EGF: variants seen among roughly 807,000 people sequenced by gnomAD.
The protein encoded by EGF is epidermal growth factor, also known as pro-epidermal growth factor.
EGF carries 95 observed loss-of-function variants against 143.8 expected under a neutral mutation model. The observed-to-expected ratio is 0.66, with a 90% CI of 0.56 to 0.78. EGF has a LOEUF of 0.78. Among genes scored for constraint, EGF ranks in the 30% least tolerant of loss-of-function variants. The pLI, the probability that EGF is intolerant of heterozygous loss-of-function variation, is 0.00. For synonymous variants in EGF, 510 were observed against 510.5 expected (o/e 1.00, Z 0.01); for missense variants, 1,320 against 1,470.9 (o/e 0.90, Z 1.68).
intron 1 of EGF, among the ~76,000 whole-genome samples, chr4:109,927,479 C>CT (rs1335139948): frequency 6.6e-6 from 1 of 152,054 alleles, no homozygotes; most frequent in African/African-American, 2.4e-5. Context: ...AATCCTAGCA[C>CT]TTTGAGAGGC....
At chr4:109,976,640 T>C (rs1480754889) in intron 13 of EGF, among the ~76,000 whole-genome samples, 1 of 152,210 alleles carries the variant, frequency 6.6e-6, no homozygotes, top group Non-Finnish European at 1.5e-5. Flanking sequence ...CCTCCCCTAT[T>C]ATTTTCAGAT....
intron 15 of EGF, among the ~76,000 whole-genome samples, chr4:109,982,727 G>C (rs1361386796): frequency 2.6e-5 from 4 of 151,994 alleles, no homozygotes; most frequent in African/African-American, 9.7e-5. Flanking sequence ...TCCATACTAA[G>C]ACACCAGCTG....
intron 5 of EGF, among the ~76,000 whole-genome samples, chr4:109,954,695 T>C (rs1394211968): frequency 6.6e-6 from 1 of 152,188 alleles, no homozygotes; most frequent in Admixed American, 6.5e-5. Flanking sequence ...AACTAACATA[T>C]ATTTTATGTG....
At chr4:109,914,005 GCT>G (rs1184621040) in intron 1 of EGF, among the ~76,000 whole-genome samples, 2 of 152,074 alleles carry the variant, frequency 1.3e-5, no homozygotes, top group African/African-American at 4.8e-5. Flanking sequence ...TGTTTCTGAG[GCT>G]CTGACACAAC....
At position 109,951,077 on chromosome 4, in the gene EGF, C is replaced by T. The variant is rs538861022; in HGVS notation, c.940+5802C>T. On this transcript the variant is annotated intron_variant, in intron 5 of 23. Coordinates refer to ENST00000265171, the MANE Select transcript of EGF (RefSeq NM_001963.6). ...ATCCCAGCACCTTGGGAGGCCAAGG[C>T]GGGTGGATCACTTGAGGTCAGGAGT... is the stretch of plus-strand genomic sequence containing the variant. Among the ~76,000 whole-genome samples, 4 of 151,782 alleles carry T rather than the reference C, an allele frequency of 2.6e-5. No homozygotes were observed. The South Asian group carries it at 6.2e-4, about 24-fold the overall frequency.
Position 109,980,116 on chromosome 4 carries a change from T to C in EGF, c.2198T>C (p.Val733Ala). ...GSMLKPSSLV[V>A]VHPLAKPGAD... ...ATGCTGAAGCCCTCATCACTGGTTG[T>C]GGTTCATCCATTGGCAAAACCAGGT... The change falls in exon 14 of 24, where the codon GTG (valine) becomes GCG (alanine). Residue 733 changes from valine (V) to alanine (A), a missense_variant. This residue lies in a region of EGF where 1,186 missense variants were observed against 1,313.7 expected (regional missense o/e 0.90). Transcript: ENST00000265171. The C allele has an allele frequency of 6.2e-7, 1 of 1,611,490 alleles. No homozygotes were observed. The highest frequency in any genetic ancestry group is 8.5e-7 in the Non-Finnish European group (1 of 1,178,622).
At chr4:109,952,587 T>G (rs879712263) in intron 5 of EGF, among the ~76,000 whole-genome samples, 2 of 152,228 alleles carry the variant, frequency 1.3e-5, no homozygotes, top group Non-Finnish European at 1.5e-5. Flanking sequence ...CCTAAAAAGA[T>G]AAATATTTAG....
At chr4:109,999,379 C>T (rs1191011251) in intron 20 of EGF, among the ~76,000 whole-genome samples, 1 of 152,128 alleles carries the variant, frequency 6.6e-6, no homozygotes, top group Non-Finnish European at 1.5e-5. Context: ...AAAGGTGGCT[C>T]CTCAGGATTT....
rs1415463629 is a variant in EGF at position 109,979,145 on chromosome 4, C to G, written c.2054-827C>G. The stretch of plus-strand genomic sequence containing the variant: ...TGGTGAAGGTGGGCTCAGAAAGATG[C>G]CCACTTACTGTTAGTAGGAGGCATG... On this transcript the variant is annotated intron_variant, in intron 13 of 23. Transcript: ENST00000265171. Among the ~76,000 whole-genome samples the G allele has an allele frequency of 2.0e-5, 3 of 152,234 alleles. No homozygotes were observed. The East Asian group carries it at 5.8e-4, about 29-fold the overall frequency.
intron 5 of EGF, among the ~76,000 whole-genome samples, chr4:109,946,703 C>T (rs1295474745): frequency 6.6e-6 from 1 of 152,106 alleles, no homozygotes; most frequent in Admixed American, 6.6e-5. Context: ...ACCATATATA[C>T]AGTAGATATT....
chr4:109,996,310 G>T, intron 20 of EGF, among the ~76,000 whole-genome samples: 1 of 152,118 alleles, frequency 6.6e-6, no homozygotes, highest in Non-Finnish European at 1.5e-5. Context: ...AAATCCTGAT[G>T]AAAATATCAT....
chr4:109,942,703 A>T (rs900915803), intron 2 of EGF, among the ~76,000 whole-genome samples: 3 of 152,196 alleles, frequency 2.0e-5, no homozygotes, highest in Admixed American at 2.0e-4. Flanking sequence ...GTGCCTAAAA[A>T]GACACTCTGC....
chr4:109,957,950 G>T (rs1270101155), intron 5 of EGF, among the ~76,000 whole-genome samples: 1 of 152,072 alleles, frequency 6.6e-6, no homozygotes, highest in South Asian at 2.1e-4. Flanking sequence ...TTTTACAATG[G>T]TGCTATTGTT....
chr4:109,995,731 G>A (rs1343043488), intron 20 of EGF, among the ~76,000 whole-genome samples: 2 of 152,170 alleles, frequency 1.3e-5, no homozygotes, highest in East Asian at 3.8e-4. Flanking sequence ...TGTGCCTGAG[G>A]GAGGGGTGAT....
At chr4:109,917,645 A>G (rs1736925198) in intron 1 of EGF, among the ~76,000 whole-genome samples, 2 of 151,904 alleles carry the variant, frequency 1.3e-5, no homozygotes, top group Admixed American at 1.3e-4. Context: ...TTTTTGAGAC[A>G]GGTTTTGCTC....
intron 5 of EGF, among the ~76,000 whole-genome samples, chr4:109,956,678 CAT>C (rs1744846521): frequency 6.6e-6 from 1 of 151,958 alleles, no homozygotes; most frequent in Non-Finnish European, 1.5e-5. Context: ...GTATAATTGG[CAT>C]AAAAATCATA....
chr4:109,949,111 G>A (rs1488857253), intron 5 of EGF, among the ~76,000 whole-genome samples: 3 of 151,912 alleles, frequency 2.0e-5, no homozygotes, highest in Non-Finnish European at 4.4e-5. Flanking sequence ...CTATCGCCGA[G>A]GCTGGAGTGC....
intron 10 of EGF, among the ~76,000 whole-genome samples, chr4:109,967,130 A>G (rs1746730412): frequency 1.3e-5 from 2 of 152,184 alleles, no homozygotes. Context: ...GCAAATGTCC[A>G]GAAGAGTTTC....
chr4:109,986,086 G>A (rs1447187455), intron 16 of EGF, among the ~76,000 whole-genome samples: 3 of 152,102 alleles, frequency 2.0e-5, no homozygotes, highest in African/African-American at 7.2e-5. Flanking sequence ...TTTTAGAGAA[G>A]AGGAATGTGA....
Sources: allele counts gnomAD v4.1 joint callset (sites outside exome capture counted in the v4.1 genomes callset), GRCh38; gene constraint gnomAD v4.1.1; regional missense constraint gnomAD v4.1.1; transcripts MANE v1.5; gene names NCBI Gene and HGNC (gene_info 2026-07-23, HGNC 2026-07-21).